Variants in CCDC148 observed in about 807,000 individuals in gnomAD.
The protein encoded by CCDC148 is coiled-coil domain containing 148.
Under a neutral mutation model 85.7 loss-of-function variants are expected in CCDC148, and 89 were observed. The observed-to-expected ratio is 1.04, with a 90% CI of 0.87 to 1.24. The LOEUF (loss-of-function observed/expected upper bound fraction) is 1.24. CCDC148 is among the 50% of genes most tolerant of loss of function. The pLI is 0.00. For synonymous variants in CCDC148, 230 were observed against 213.9 expected, an observed-to-expected ratio of 1.08 and a Z score of -0.66; for missense variants, 692 against 671.7, an observed-to-expected ratio of 1.03 and a Z score of -0.33.
intron 10 of CCDC148, among the ~76,000 whole-genome samples, chr2:158,234,151 G>A (rs1687987878): frequency 6.6e-6 from 1 of 151,918 alleles, no homozygotes; most frequent in African/African-American, 2.4e-5. Context: ...ACTACAGCCT[G>A]GGCAACAGAG....
At chr2:158,454,875 A>G (rs1439112175) in intron 1 of CCDC148, among the ~76,000 whole-genome samples, 1 of 152,268 alleles carries the variant, frequency 6.6e-6, no homozygotes, top group Admixed American at 6.5e-5. Context: ...AACTTATTTC[A>G]GGGGACATTA....
Position 158,284,739 on chromosome 2 carries a change from T to A in CCDC148, c.1110+24694A>T, listed in dbSNP as rs185713353. On this transcript the variant is annotated intron_variant, in intron 9 of 13. Transcript: ENST00000283233. ...ATCAAATTATTTCTGTGAGCATTTT[T>A]AATTCAATGTCTAGTAAATAACCAA... Among the ~76,000 whole-genome samples, 87 of 152,322 alleles carry A rather than the reference T, an allele frequency of 5.7e-4. 1 individual carries two copies. The East Asian group carries it at 0.012, about 22-fold the overall frequency.
chr2:158,435,704 C>T (rs1687614681), intron 1 of CCDC148, among the ~76,000 whole-genome samples: 1 of 151,974 alleles, frequency 6.6e-6, no homozygotes, highest in Non-Finnish European at 1.5e-5. Flanking sequence ...GAGTCAAGAC[C>T]CATCAGTGTG....
chr2:158,432,274 T>C (rs747339276), intron 1 of CCDC148, among the ~76,000 whole-genome samples: 13 of 151,064 alleles, frequency 8.6e-5, no homozygotes, highest in Non-Finnish European at 1.8e-4. Context: ...CATCCAACCA[T>C]AGTTATAAGT....
At chr2:158,239,741 CAT>C (rs2105319868) in intron 10 of CCDC148, among the ~76,000 whole-genome samples, 1 of 152,222 alleles carries the variant, frequency 6.6e-6, no homozygotes, top group East Asian at 1.9e-4. Flanking sequence ...TTTCTTCACA[CAT>C]ACAATAATAC....
At chr2:158,256,817 C>A (rs946604165) in intron 9 of CCDC148, among the ~76,000 whole-genome samples, 1 of 151,696 alleles carries the variant, frequency 6.6e-6, no homozygotes, top group Admixed American at 6.6e-5. Context: ...ACCCACCATG[C>A]CCAGATCAGA....
chr2:158,308,669 A>G (rs1691813993), intron 9 of CCDC148, among the ~76,000 whole-genome samples: 1 of 152,192 alleles, frequency 6.6e-6, no homozygotes, highest in Non-Finnish European at 1.5e-5. Flanking sequence ...GTTATACCTC[A>G]ATACAATTTG....
intron 1 of CCDC148, among the ~76,000 whole-genome samples, chr2:158,433,278 A>ATATATATATATATATATATATATATATAT (rs1193160417): frequency 5.5e-5 from 7 of 127,596 alleles, no homozygotes; most frequent in Non-Finnish European, 1.1e-4. Flanking sequence ...ATATATATAT[A>ATATATATATATATATATATATATATATAT]AAACAAAAGC....
At chr2:158,248,543 A>G (rs984964087) in intron 10 of CCDC148, among the ~76,000 whole-genome samples, 2 of 152,124 alleles carry the variant, frequency 1.3e-5, no homozygotes, top group African/African-American at 2.4e-5. Context: ...TCTATACTCT[A>G]TATAAATAGG....
intron 1 of CCDC148, among the ~76,000 whole-genome samples, chr2:158,377,800 T>C (rs1452142826): frequency 6.6e-6 from 1 of 152,082 alleles, no homozygotes; most frequent in African/African-American, 2.4e-5. Flanking sequence ...GATGATACTA[T>C]CGTAATTGTT....
At chr2:158,253,494 G>C (rs1688883386) in intron 9 of CCDC148, among the ~76,000 whole-genome samples, 2 of 151,340 alleles carry the variant, frequency 1.3e-5, no homozygotes, top group African/African-American at 4.8e-5. Flanking sequence ...TATCTCTCTT[G>C]TCTTATTTCA....
At chr2:158,362,114 A>G (rs768473479) in intron 1 of CCDC148, among the ~76,000 whole-genome samples, 2 of 152,224 alleles carry the variant, frequency 1.3e-5, no homozygotes, top group Non-Finnish European at 2.9e-5. Flanking sequence ...TCAATGGAAC[A>G]AGAAGAGCTA....
intron 1 of CCDC148, among the ~76,000 whole-genome samples, chr2:158,441,064 G>GAAAAA (rs1163411097): frequency 6.6e-6 from 1 of 151,764 alleles, no homozygotes; most frequent in African/African-American, 2.4e-5. Context: ...CTTAAAAAAA[G>GAAAAA]AAAAAAGAAA....
intron 9 of CCDC148, among the ~76,000 whole-genome samples, chr2:158,309,036 C>G (rs1433169550): frequency 6.6e-6 from 1 of 152,202 alleles, no homozygotes. Flanking sequence ...AGCCTCTCTT[C>G]TCCTCCTCAT....
At chr2:158,214,156 A>G (rs1203479184) in intron 11 of CCDC148, among the ~76,000 whole-genome samples, 1 of 148,384 alleles carries the variant, frequency 6.7e-6, no homozygotes, top group African/African-American at 2.5e-5. Context: ...ACAAAGATAC[A>G]TTCTTATGTC....
intron 1 of CCDC148, among the ~76,000 whole-genome samples, chr2:158,383,425 G>A (rs13404497): frequency 0.058 from 8,761 of 152,058 alleles, 480 homozygotes; most frequent in African/African-American, 0.14. Flanking sequence ...TTTTAAAAGT[G>A]TATATATGTG....
intron 2 of CCDC148, among the ~76,000 whole-genome samples, chr2:158,348,820 CA>C (rs1263977444): frequency 6.6e-6 from 1 of 151,962 alleles, no homozygotes; most frequent in East Asian, 1.9e-4. Context: ...TTTTCTATAA[CA>C]TTTTTAAAAA....
intron 1 of CCDC148, among the ~76,000 whole-genome samples, chr2:158,449,883 T>G (rs1688325059): frequency 6.6e-6 from 1 of 152,246 alleles, no homozygotes; most frequent in South Asian, 2.1e-4. Context: ...TAGATGCACT[T>G]TATCACACCA....
chr2:158,387,231 C>A (rs1175316113), intron 1 of CCDC148, among the ~76,000 whole-genome samples: 2 of 151,992 alleles, frequency 1.3e-5, no homozygotes, highest in African/African-American at 4.8e-5. Context: ...GATGTCACTA[C>A]TTCTAGGCTC....
Sources: allele counts gnomAD v4.1 joint callset (sites outside exome capture counted in the v4.1 genomes callset), GRCh38; gene constraint gnomAD v4.1.1; transcripts MANE v1.5; gene names NCBI Gene and HGNC (gene_info 2026-07-23, HGNC 2026-07-21).